The following CA10 variants were observed in gnomAD, a reference collection of about 807,000 sequenced individuals.
CA10 encodes the protein carbonic anhydrase-related protein 10.
A neutral mutation model predicts 44.2 loss-of-function variants in CA10; 14 were observed. That is an observed-to-expected ratio of 0.32 (90% CI 0.21 to 0.50). CA10 has a LOEUF of 0.50. Among genes scored for constraint, CA10 ranks in the 20% least tolerant of loss-of-function variants. The pLI, the probability that CA10 is intolerant of heterozygous loss-of-function variation, is 0.99. For synonymous variants in CA10, 159 were observed against 141.6 expected (o/e 1.12, Z -0.87); for missense variants, 350 against 409.7 (o/e 0.85, Z 1.26).
intron 2 of CA10, among the ~76,000 whole-genome samples, chr17:52,019,368 A>C (rs1986066036): frequency 6.6e-6 from 1 of 152,070 alleles, no homozygotes; most frequent in South Asian, 2.1e-4. Context: ...CATTGTAAAC[A>C]TGTTAATGTT....
intron 1 of CA10, among the ~76,000 whole-genome samples, chr17:52,087,173 C>T (rs948005411): frequency 1.3e-5 from 2 of 152,202 alleles, no homozygotes; most frequent in Non-Finnish European, 2.9e-5. Flanking sequence ...CAAAGTCTTG[C>T]TTTGTTGCCC....
intron 6 of CA10, among the ~76,000 whole-genome samples, chr17:51,637,777 A>G (rs57479054): frequency 0.021 from 3,268 of 152,198 alleles, 81 homozygotes; most frequent in African/African-American, 0.057. Context: ...GGTGACTGCA[A>G]AGTGGAAATT....
chr17:52,157,536 CCCG>C, intron 1 of CA10, among the ~76,000 whole-genome samples, 187 bp downstream of exon 1: 1 of 147,616 alleles, frequency 6.8e-6, no homozygotes, highest in South Asian at 2.3e-4. Flanking sequence ...ACCACCCCCC[CCCG>C]CAAAACACAC....
rs1258190111 is a variant in CA10 at position 51,635,993 on chromosome 17, T to C, written c.651A>G (p.Leu217=). 13 of 1,580,038 alleles carry C rather than the reference T, an allele frequency of 8.2e-6. No individual in the cohort carries two copies. The highest frequency in any genetic ancestry group is 1.4e-5 in the African/African-American group (1 of 73,834). The change falls in exon 7 of 9, where the codon CTA becomes CTG. Residue 217 remains leucine, a synonymous_variant. Coordinates refer to ENST00000451037, the MANE Select transcript of CA10 (RefSeq NM_020178.5). ...RITYKNDAYL[L]QGLNIEELYP... ...ATAGTTCCTCTATATTAAGCCCCTG[T>C]AGTAAATATGCATCATCTAGAGAAG...
intron 3 of CA10, among the ~76,000 whole-genome samples, chr17:51,841,656 C>G (rs888585886): frequency 2.6e-5 from 4 of 152,204 alleles, no homozygotes; most frequent in Non-Finnish European, 5.9e-5. Context: ...CAGAAACTCC[C>G]TCCAAGCAAA....
At chr17:51,894,406 C>T (rs1213426490) in intron 3 of CA10, among the ~76,000 whole-genome samples, 2 of 152,046 alleles carry the variant, frequency 1.3e-5, no homozygotes, top group Admixed American at 6.6e-5. Context: ...GCACTGAACT[C>T]CCAAGTAACT....
intron 1 of CA10, among the ~76,000 whole-genome samples, chr17:52,102,182 T>G (rs575648058): frequency 3.9e-5 from 6 of 152,316 alleles, no homozygotes; most frequent in Non-Finnish European, 5.9e-5. Flanking sequence ...GCTTTTAACT[T>G]GCCAACCTAA....
intron 2 of CA10, among the ~76,000 whole-genome samples, chr17:51,942,559 T>A (rs1983125030): frequency 1.3e-5 from 2 of 150,444 alleles, no homozygotes; most frequent in Non-Finnish European, 3.0e-5. Context: ...TATATATCTG[T>A]CATCTCCCAA....
intron 2 of CA10, among the ~76,000 whole-genome samples, chr17:52,027,702 C>T (rs902976006): frequency 1.3e-5 from 2 of 152,038 alleles, no homozygotes; most frequent in Non-Finnish European, 2.9e-5. Flanking sequence ...ACTTTTTTCC[C>T]CTCACCCCTA....
At chr17:51,861,584 A>G (rs924060706) in intron 3 of CA10, among the ~76,000 whole-genome samples, 5 of 150,682 alleles carry the variant, frequency 3.3e-5, no homozygotes, top group Non-Finnish European at 7.4e-5. Flanking sequence ...TCAACTTTCT[A>G]TATACCAACT....
chr17:51,908,237 G>C lies in CA10; in HGVS notation c.279+22753C>G, dbSNP rs192934339. Among the ~76,000 whole-genome samples the C allele has an allele frequency of 3.3e-5, 5 of 152,238 alleles. No homozygotes were observed. In the East Asian group the frequency reaches 9.7e-4, roughly 29 times the overall value. The stretch of plus-strand genomic sequence containing the variant: ...GTTAGTTAAGGCACACAGATTAATT[G>C]AAAGAACTCATTCCCACAAATGGTG... On this transcript the variant is annotated intron_variant, in intron 3 of 8. Coordinates refer to ENST00000451037, the MANE Select transcript of CA10 (RefSeq NM_020178.5).
intron 3 of CA10, among the ~76,000 whole-genome samples, chr17:51,804,059 G>C (rs1460628812): frequency 2.0e-5 from 3 of 152,158 alleles, no homozygotes; most frequent in Non-Finnish European, 2.9e-5. Context: ...CCATCTCATA[G>C]AGTCACTGTG....
intron 3 of CA10, among the ~76,000 whole-genome samples, chr17:51,874,805 T>G (rs1979978980): frequency 6.6e-6 from 1 of 152,196 alleles, no homozygotes; most frequent in Non-Finnish European, 1.5e-5. Flanking sequence ...CTATTTCTAT[T>G]ACTCATATAG....
At chr17:51,720,351 A>T (rs6504740) in intron 4 of CA10, among the ~76,000 whole-genome samples, 3 of 151,878 alleles carry the variant, frequency 2.0e-5, no homozygotes, top group Non-Finnish European at 4.4e-5. Context: ...CATAATGAAC[A>T]CTTTTAATCA....
chr17:51,716,528 C>T (rs1916120067), intron 4 of CA10, among the ~76,000 whole-genome samples: 2 of 152,134 alleles, frequency 1.3e-5, no homozygotes, highest in African/African-American at 4.8e-5. Context: ...TCTCTGTCCC[C>T]TCCTGGTTCT....
At chr17:51,672,092 A>G (rs1040438527) in intron 4 of CA10, among the ~76,000 whole-genome samples, 2 of 152,326 alleles carry the variant, frequency 1.3e-5, no homozygotes, top group Admixed American at 1.3e-4. Flanking sequence ...TAAGAATTAC[A>G]TAAGTTAGTG....
intron 2 of CA10, among the ~76,000 whole-genome samples, chr17:51,965,508 C>A (rs990375518): frequency 6.6e-6 from 1 of 151,964 alleles, no homozygotes; most frequent in South Asian, 2.1e-4. Flanking sequence ...AGTTAATTCA[C>A]CATGATCAAG....
intron 4 of CA10, among the ~76,000 whole-genome samples, chr17:51,676,501 TG>T (rs1009648278): frequency 3.3e-5 from 5 of 152,206 alleles, no homozygotes; most frequent in African/African-American, 1.2e-4. Flanking sequence ...CCAGCATTTC[TG>T]GGGGTGAGGC....
intron 4 of CA10, among the ~76,000 whole-genome samples, chr17:51,714,181 G>A (rs534133154): frequency 6.6e-5 from 10 of 151,910 alleles, no homozygotes; most frequent in African/African-American, 2.2e-4. Flanking sequence ...CAATTTGAGA[G>A]GCAGGGTGTG....
Sources: allele counts gnomAD v4.1 joint callset (sites outside exome capture counted in the v4.1 genomes callset), GRCh38; gene constraint gnomAD v4.1.1; transcripts MANE v1.5; gene names NCBI Gene and HGNC (gene_info 2026-07-23, HGNC 2026-07-21).